Variants in ME1 observed in about 807,000 individuals in gnomAD.
ME1 encodes NADP-dependent malic enzyme.
ME1 carries 74 observed loss-of-function variants against 66.4 expected under a neutral mutation model. The observed-to-expected ratio is 1.11, with a 90% CI of 0.92 to 1.35. ME1 has a LOEUF of 1.35. Among genes scored for constraint, ME1 ranks in the 40% most tolerant of loss-of-function variants. ME1 has a pLI of 0.00. For missense variants in ME1, 750 were observed against 694.1 expected (o/e 1.08, Z -0.90); for synonymous variants, 251 against 235.6 (o/e 1.07, Z -0.60).
chr6:83,224,691 A>T (rs1297926361), intron 11 of ME1, among the ~76,000 whole-genome samples: 4 of 144,664 alleles, frequency 2.8e-5, no homozygotes, highest in Non-Finnish European at 4.5e-5. Flanking sequence ...CTCAAAAAAA[A>T]AAAAAATAAA....
At chr6:83,424,478 A>T (rs1770331192) in intron 1 of ME1, among the ~76,000 whole-genome samples, 1 of 152,212 alleles carries the variant, frequency 6.6e-6, no homozygotes, top group Admixed American at 6.5e-5. Context: ...CTATGATATG[A>T]TAGAAATCTG....
intron 3 of ME1, among the ~76,000 whole-genome samples, chr6:83,354,564 A>G (rs1768853633): frequency 6.6e-6 from 1 of 152,214 alleles, no homozygotes; most frequent in Non-Finnish European, 1.5e-5. Context: ...ATCTTCAGCT[A>G]AAATCTTGGC....
At chr6:83,315,486 CT>C in intron 5 of ME1, 73 bp from the exon 6 acceptor site, 1 of 906,558 alleles carries the variant, frequency 1.1e-6, no homozygotes, top group Non-Finnish European at 1.8e-6. Context: ...GTTTCTTCAT[CT>C]GTATAAAAGG....
chr6:83,393,206 C>T (rs1769659165), intron 3 of ME1: 1 of 1,184,834 alleles, frequency 8.4e-7, no homozygotes, highest in Non-Finnish European at 1.3e-6. Flanking sequence ...CGTCAGAGGA[C>T]CCCCTCAAAG....
intron 5 of ME1, among the ~76,000 whole-genome samples, chr6:83,324,716 C>CAAAAAAAAAA (rs55866196): frequency 1.2e-4 from 6 of 49,318 alleles, no homozygotes; most frequent in South Asian, 9.2e-4. Flanking sequence ...GCCTACCAAC[C>CAAAAAAAAAA]AAAAAAAAAA....
chr6:83,290,968 T>A (rs1767490932), intron 6 of ME1, among the ~76,000 whole-genome samples: 1 of 152,210 alleles, frequency 6.6e-6, no homozygotes. Flanking sequence ...TTGCATTTGC[T>A]TGATAGATCT....
intron 3 of ME1, among the ~76,000 whole-genome samples, chr6:83,369,532 T>C (rs1213042245): frequency 6.6e-6 from 1 of 151,946 alleles, no homozygotes; most frequent in African/African-American, 2.4e-5. Context: ...AAAATGATCC[T>C]TCTATCTTCT....
At chr6:83,371,261 T>A (rs1769188888) in intron 3 of ME1, among the ~76,000 whole-genome samples, 1 of 152,200 alleles carries the variant, frequency 6.6e-6, no homozygotes, top group Non-Finnish European at 1.5e-5. Context: ...GCTACTAAAG[T>A]AAATCCTACA....
At chr6:83,315,076 G>A (rs559109605) in intron 6 of ME1, among the ~76,000 whole-genome samples, 17 of 151,888 alleles carry the variant, frequency 1.1e-4, no homozygotes, top group Non-Finnish European at 1.6e-4. Context: ...GGTTCTAAAG[G>A]TTCTTGTAAA....
At chr6:83,225,844 C>G (rs1274516595) in intron 11 of ME1, among the ~76,000 whole-genome samples, 1 of 146,398 alleles carries the variant, frequency 6.8e-6, no homozygotes, top group South Asian at 2.1e-4. Context: ...ATATCTCCCC[C>G]ACTCCTGCAC....
At chr6:83,270,656 T>G (rs1259420074) in intron 6 of ME1, among the ~76,000 whole-genome samples, 1 of 152,190 alleles carries the variant, frequency 6.6e-6, no homozygotes, top group Non-Finnish European at 1.5e-5. Context: ...GTTTCTTCAC[T>G]CAGCATTCAA....
intron 3 of ME1, among the ~76,000 whole-genome samples, chr6:83,370,172 T>A (rs1056372016): frequency 6.6e-6 from 1 of 152,198 alleles, no homozygotes; most frequent in Non-Finnish European, 1.5e-5. Context: ...GTTCATACTT[T>A]TCTGTGACAT....
intron 1 of ME1, among the ~76,000 whole-genome samples, chr6:83,409,716 A>G (rs987350402): frequency 2.0e-5 from 3 of 152,186 alleles, no homozygotes; most frequent in African/African-American, 7.2e-5. Context: ...GCTGGGACCA[A>G]TGGTTTCAGA....
intron 6 of ME1, among the ~76,000 whole-genome samples, chr6:83,291,568 CA>C (rs771293228): frequency 4.6e-5 from 7 of 152,232 alleles, no homozygotes; most frequent in Non-Finnish European, 1.0e-4. Context: ...TCCTTCATTT[CA>C]ACCTTGGTGA....
intron 3 of ME1, among the ~76,000 whole-genome samples, chr6:83,384,538 T>G (rs1468335707): frequency 3.3e-5 from 5 of 151,892 alleles, no homozygotes; most frequent in African/African-American, 9.7e-5. Context: ...TAATAGATTC[T>G]GGATATTAGA....
At chr6:83,256,612 C>A (rs1476500760) in intron 6 of ME1, among the ~76,000 whole-genome samples, 1 of 152,104 alleles carries the variant, frequency 6.6e-6, no homozygotes, top group Non-Finnish European at 1.5e-5. Flanking sequence ...ATTAGTTCAA[C>A]CATGGTGGAA....
rs1249892722 is a variant in ME1 at position 83,212,076 on chromosome 6, G to A, written c.1567C>T (p.Gln523Ter). ...GGATAAACTGTGGCTGTCTTTTCTTGGTATGCATCTTTCACAATCTAGATA... is the reference window on the plus strand; with the variant it reads ...GGATAAACTGTGGCTGTCTTTTCTTAGTATGCATCTTTCACAATCTAGATA... ...IAEKIVKDAY[Q>*]EKTATVYPEP... Residue 523 changes from glutamine (Q) to a stop codon, truncating the protein, a stop_gained, in exon 14 of 14, where the codon CAA becomes TAA. Transcript: ENST00000369705. LOFTEE classifies it high-confidence loss of function. 2 of 1,606,212 alleles carry A rather than the reference G, an allele frequency of 1.2e-6. No individual in the cohort carries two copies. The highest frequency in any genetic ancestry group is 1.7e-6 in the Non-Finnish European group (2 of 1,175,386).
intron 6 of ME1, among the ~76,000 whole-genome samples, chr6:83,282,443 G>C (rs181868747): frequency 4.9e-4 from 75 of 152,310 alleles, no homozygotes; most frequent in African/African-American, 1.7e-3. Context: ...TCATCAAAAA[G>C]TGGGTGAAGG....
chr6:83,406,350 A>T, intron 2 of ME1, among the ~76,000 whole-genome samples: 1 of 152,150 alleles, frequency 6.6e-6, no homozygotes, highest in East Asian at 1.9e-4. Context: ...TCATAAAATG[A>T]GTTAGGGAGG....
Sources: allele counts gnomAD v4.1 joint callset (sites outside exome capture counted in the v4.1 genomes callset), GRCh38; gene constraint gnomAD v4.1.1; transcripts MANE v1.5; gene names NCBI Gene and HGNC (gene_info 2026-07-23, HGNC 2026-07-21).